Variants in RAB33B observed in about 807,000 individuals in gnomAD.
The protein encoded by RAB33B is ras-related protein Rab-33B.
RAB33B carries 6 observed loss-of-function variants against 15.0 expected under a neutral mutation model. That is an observed-to-expected ratio of 0.40 (90% CI 0.22 to 0.79). The LOEUF is 0.79. Ranked by LOEUF, RAB33B falls within the 30% of genes least tolerant of loss-of-function variation. The probability of loss-of-function intolerance (pLI) is 0.37; values close to 1 mark genes in which losing one functional copy is unlikely to be tolerated. For synonymous variants in RAB33B, 117 were observed against 108.3 expected (o/e 1.08, Z -0.50); for missense variants, 257 against 296.4 (o/e 0.87, Z 0.98).
chr4:139,473,496 G>A lies in RAB33B; in HGVS notation c.*370G>A, dbSNP rs1200853050. On this transcript the variant is annotated 3_prime_UTR_variant, in exon 2 of 2. Coordinates refer to ENST00000305626, the MANE Select transcript of RAB33B (RefSeq NM_031296.3). ...ACACCTAATAGTATGTCCTTTGAATGGGAAGTGTTCTTAATAGGATAAAAA... is the reference window on the plus strand; with the variant it reads ...ACACCTAATAGTATGTCCTTTGAATAGGAAGTGTTCTTAATAGGATAAAAA... 1 of 183,570 alleles carries A rather than the reference G, an allele frequency of 5.4e-6. No individual in the cohort carries two copies. The highest frequency in any genetic ancestry group is 1.1e-5 in the Non-Finnish European group (1 of 87,178). 11.4% of individuals were successfully genotyped at this position (183,570 alleles called of 1,614,324 possible). A position where few individuals can be genotyped will look rare whatever the true frequency, so the allele number is the denominator to read the frequency against.
chr4:139,449,432 T>C (rs186476581), upstream of RAB33B: 2 of 152,292 alleles, frequency 1.3e-5, no homozygotes, highest in East Asian at 1.9e-4. Flanking sequence ...CGATCCTGAA[T>C]GTGTCTGTGA....
the RAB33B span, among the ~76,000 whole-genome samples, chr4:139,440,249 TTC>T: frequency 6.6e-6 from 1 of 152,260 alleles, no homozygotes; most frequent in Admixed American, 6.5e-5. Context: ...ACTTTCTGAT[TTC>T]TCTCATATAT....
At chr4:139,462,562 A>C (rs899971121) in intron 1 of RAB33B, among the ~76,000 whole-genome samples, 1 of 152,252 alleles carries the variant, frequency 6.6e-6, no homozygotes, top group Non-Finnish European at 1.5e-5. Flanking sequence ...TAAGAACTAC[A>C]TAAGAGCTTC....
chr4:139,471,183 G>C (rs111759260), intron 1 of RAB33B, among the ~76,000 whole-genome samples: 6,011 of 152,304 alleles, frequency 0.039, 178 homozygotes, highest in Non-Finnish European at 0.065. Flanking sequence ...CAGAGGGCAA[G>C]GTTTGTGGGA....
chr4:139,466,703 C>G (rs372335029), intron 1 of RAB33B, among the ~76,000 whole-genome samples: 6 of 152,026 alleles, frequency 3.9e-5, no homozygotes, highest in Middle Eastern at 3.4e-3. Flanking sequence ...CTCAGACTCC[C>G]AAGTAGCTGG....
At chr4:139,454,487 G>A in intron 1 of RAB33B, 43 bp downstream of exon 1, 1 of 1,586,388 alleles carries the variant, frequency 6.3e-7, no homozygotes, top group Non-Finnish European at 8.5e-7. Flanking sequence ...GGTGACAGGT[G>A]TCCCAACCCC....
chr4:139,440,172 A>C, the RAB33B span, among the ~76,000 whole-genome samples: 4 of 152,246 alleles, frequency 2.6e-5, no homozygotes, highest in East Asian at 1.9e-4. Context: ...GATGAGTCTG[A>C]AGTATAAATC....
the RAB33B span, among the ~76,000 whole-genome samples, chr4:139,441,446 C>G: frequency 1.3e-5 from 2 of 152,130 alleles, no homozygotes; most frequent in African/African-American, 2.4e-5. Flanking sequence ...GGGACTCAGG[C>G]TATGACAGTG....
upstream of RAB33B, chr4:139,452,669 TTAG>T (rs2111064101): frequency 6.6e-6 from 1 of 152,316 alleles, no homozygotes; most frequent in African/African-American, 2.4e-5. Context: ...ACTTGATATA[TTAG>T]TGACTGTAGA....
intron 1 of RAB33B, among the ~76,000 whole-genome samples, chr4:139,471,332 T>C (rs1359032542): frequency 6.6e-6 from 1 of 152,158 alleles, no homozygotes; most frequent in Non-Finnish European, 1.5e-5. Context: ...GTTCATTGCC[T>C]TTCATTTGCT....
At chr4:139,450,864 T>C (rs1456536141), upstream of RAB33B, 1 of 152,086 alleles carries the variant, frequency 6.6e-6, no homozygotes, top group Non-Finnish European at 1.5e-5. Context: ...TAGTCTTATT[T>C]TGTATATAAG....
Position 139,454,426 on chromosome 4 carries a change from T to G in RAB33B, c.231T>G (p.Ile77Met), listed in dbSNP as rs202128260. The change falls in exon 1 of 2, where the codon ATT becomes ATG. Residue 77 changes from isoleucine to methionine, a missense_variant. Ile to Met is a conservative substitution (Grantham distance 10). Coordinates refer to ENST00000305626, the MANE Select transcript of RAB33B (RefSeq NM_031296.3). ...ATTTCCGAGAACGAGCGGTGGAGAT[T>G]GATGGGGAGCGCATCAAGGTGAGCG... Reference protein sequence around the residue: ...GVDFRERAVEIDGERIKIQLW... With the variant: ...GVDFRERAVEMDGERIKIQLW... 2.4e-4 allele frequency: 384 copies of G among 1,609,872 alleles called. 2 individuals carry two copies. The highest frequency in any genetic ancestry group is 5.6e-5 in the Non-Finnish European group (66 of 1,179,886).
chr4:139,439,157 C>T, the RAB33B span, among the ~76,000 whole-genome samples: 2 of 152,112 alleles, frequency 1.3e-5, no homozygotes, highest in South Asian at 4.1e-4. Flanking sequence ...CCCACTACCA[C>T]GCACAGCTAA....
intron 1 of RAB33B, among the ~76,000 whole-genome samples, chr4:139,465,733 T>G (rs866664424): frequency 0.014 from 2,165 of 150,978 alleles, 52 homozygotes; most frequent in African/African-American, 0.051. Flanking sequence ...TTTTTTTTTT[T>G]TTTTTGTTTT....
At chr4:139,457,481 A>G (rs944688287) in intron 1 of RAB33B, among the ~76,000 whole-genome samples, 4 of 152,204 alleles carry the variant, frequency 2.6e-5, no homozygotes, top group Non-Finnish European at 5.9e-5. Flanking sequence ...AGAGGTCAGC[A>G]GGTCCTACTT....
the RAB33B span, among the ~76,000 whole-genome samples, chr4:139,446,894 T>A: frequency 6.6e-6 from 1 of 152,222 alleles, no homozygotes; most frequent in African/African-American, 2.4e-5. Context: ...GCACCATTCC[T>A]TGGGGTAACC....
intron 1 of RAB33B, among the ~76,000 whole-genome samples, chr4:139,465,740 T>C (rs28405724): frequency 6.8e-6 from 1 of 147,910 alleles, no homozygotes; most frequent in African/African-American, 2.5e-5. Flanking sequence ...TTTTTTTTTG[T>C]TTTTTTGGAG....
chr4:139,442,082 T>C, the RAB33B span, among the ~76,000 whole-genome samples: 29 of 152,216 alleles, frequency 1.9e-4, no homozygotes, highest in Non-Finnish European at 7.3e-5. Flanking sequence ...AAGGCATTTT[T>C]CCCTTTAGCT....
intron 1 of RAB33B, among the ~76,000 whole-genome samples, chr4:139,466,635 G>A (rs1750291066): frequency 6.6e-6 from 1 of 151,442 alleles, no homozygotes; most frequent in South Asian, 2.1e-4. Flanking sequence ...CTGGAGTGCA[G>A]TGGCATGATC....
Sources: allele counts gnomAD v4.1 joint callset (sites outside exome capture counted in the v4.1 genomes callset), GRCh38; gene constraint gnomAD v4.1.1; transcripts MANE v1.5; gene names NCBI Gene and HGNC (gene_info 2026-07-23, HGNC 2026-07-21).